NSMAF: variants seen among roughly 807,000 people sequenced by gnomAD.
The protein encoded by NSMAF is protein FAN.
NSMAF carries 90 observed loss-of-function variants against 134.9 expected under a neutral mutation model. The ratio of observed to expected loss-of-function variants is 0.67; its 90% confidence interval spans 0.56 to 0.79. The LOEUF (loss-of-function observed/expected upper bound fraction) is 0.79. Among genes scored for constraint, NSMAF ranks in the 30% least tolerant of loss-of-function variants. The pLI is 0.00. For synonymous variants in NSMAF, 358 were observed against 389.6 expected (o/e 0.92, Z 0.96); for missense variants, 1,010 against 1,119.0 (o/e 0.90, Z 1.39).
chr8:58,659,474 C>A, intron 1 of NSMAF, 99 bp downstream of exon 1: 1 of 1,490,584 alleles, frequency 6.7e-7, no homozygotes, highest in Non-Finnish European at 8.9e-7. Context: ...CCGTGCCCGG[C>A]CCCCACGCCG....
chr8:58,598,990 C>T (rs755538341), intron 19 of NSMAF, among the ~76,000 whole-genome samples: 6 of 152,152 alleles, frequency 3.9e-5, no homozygotes, highest in Non-Finnish European at 8.8e-5. Flanking sequence ...TGTGTCACTG[C>T]ACTCCAGCCT....
At position 58,623,223 on chromosome 8, in the gene NSMAF, T is replaced by G; in HGVS notation, c.554A>C (p.Asn185Thr). The G allele has an allele frequency of 6.2e-7, 1 of 1,605,892 alleles. No individual in the cohort carries two copies. The change falls in exon 9 of 31, where the codon AAC (asparagine) becomes ACC (threonine). Residue 185 changes from asparagine (N) to threonine (T), a missense_variant. Physicochemically the swap from Asn to Thr is moderately conservative, Grantham distance 65. Transcript: ENST00000038176. ...SRLARTSFDK[N>T]RFQNISEKLH... ...GGAAAGATCATTAGAAACTTACCTG[T>G]TTTTGTCAAATGATGTTCTAGCTAA... is the stretch of plus-strand genomic sequence containing the variant.
intron 9 of NSMAF, among the ~76,000 whole-genome samples, chr8:58,610,634 G>C (rs1343956775): frequency 1.3e-5 from 2 of 152,196 alleles, no homozygotes; most frequent in Non-Finnish European, 2.9e-5. Context: ...GTGAGTGGCA[G>C]GAGGAGGAGC....
intron 1 of NSMAF, among the ~76,000 whole-genome samples, chr8:58,648,430 C>T (rs1456712144): frequency 1.3e-5 from 2 of 152,174 alleles, no homozygotes; most frequent in Non-Finnish European, 2.9e-5. Flanking sequence ...GAATTCAAGC[C>T]GGCTATGGAG....
At chr8:58,594,099 A>G in intron 23 of NSMAF, 133 bp downstream of exon 23, 1 of 697,530 alleles carries the variant, frequency 1.4e-6, no homozygotes, top group Non-Finnish European at 2.5e-6. Flanking sequence ...AATGTACCAC[A>G]AAGGAACTGC....
At position 58,600,040 on chromosome 8, in the gene NSMAF, T is replaced by A. The variant is rs970620169; in HGVS notation, c.1281-19A>T. 7 of 1,589,272 alleles carry A rather than the reference T, an allele frequency of 4.4e-6. No individual in the cohort carries two copies. Among genetic ancestry groups the A allele is most frequent in the Non-Finnish European group, 6.0e-6 (7 of 1,159,680 alleles). On this transcript the variant is annotated intron_variant, in intron 16 of 30. Transcript: ENST00000038176. ...TGCAATACTACATATGAAAAAAAAATTCACCTATTTTCAGCTAAGGAAATA... is the reference window on the plus strand; with the variant it reads ...TGCAATACTACATATGAAAAAAAAAATCACCTATTTTCAGCTAAGGAAATA...
In NSMAF at chr8:58,594,239, T is replaced by C. The variant is rs994262098; in HGVS notation, c.1944A>G (p.Thr648=). Residue 648 remains threonine (T), a synonymous_variant, in exon 23 of 31, where the codon ACA becomes ACG. Coordinates refer to ENST00000038176, the MANE Select transcript of NSMAF (RefSeq NM_003580.4). ...VSRNGSSVFT[T]SQDSTLKMFS... ...TCGGGGAGGAACACTGACCTTGGGA[T>C]GTTGTGAATACTGAAGATCCATTGC... 2.5e-6 allele frequency: 4 copies of C among 1,613,968 alleles called. No homozygotes were observed. The highest frequency in any genetic ancestry group is 1.7e-5 in the Admixed American group (1 of 59,998).
intron 26 of NSMAF, chr8:58,588,798 C>T: frequency 1.1e-6 from 1 of 945,424 alleles, no homozygotes; most frequent in Non-Finnish European, 1.7e-6. Flanking sequence ...GCTAACTTGA[C>T]ATTTTCTAAT....
chr8:58,586,869 A>T (rs1805898116), intron 27 of NSMAF, among the ~76,000 whole-genome samples: 1 of 152,250 alleles, frequency 6.6e-6, no homozygotes, highest in African/African-American at 2.4e-5. Context: ...GTTTTAAAAT[A>T]GCTTAAAACT....
At chr8:58,584,450 G>A (rs895982696) in intron 30 of NSMAF, among the ~76,000 whole-genome samples, 3 of 152,154 alleles carry the variant, frequency 2.0e-5, no homozygotes, top group Admixed American at 6.5e-5. Context: ...GGGAATTATG[G>A]ATATAGAACA....
intron 2 of NSMAF, among the ~76,000 whole-genome samples, chr8:58,636,561 T>C (rs1193451306): frequency 1.3e-5 from 2 of 152,162 alleles, no homozygotes; most frequent in Non-Finnish European, 2.9e-5. Context: ...CTATTGAAAA[T>C]TACTATCTAG....
chr8:58,589,671 C>A (rs755758820), intron 25 of NSMAF, 96 bp from the exon 26 acceptor site: 19 of 1,147,424 alleles, frequency 1.7e-5, no homozygotes, highest in Non-Finnish European at 2.3e-5. Flanking sequence ...TCATTCTATA[C>A]TTACTAAGGC....
chr8:58,638,182 G>T (rs1469283287), intron 2 of NSMAF, among the ~76,000 whole-genome samples: 1 of 152,116 alleles, frequency 6.6e-6, no homozygotes, highest in Non-Finnish European at 1.5e-5. Context: ...AAGTAGCTGT[G>T]ACTCCAGGTG....
intron 9 of NSMAF, among the ~76,000 whole-genome samples, chr8:58,615,520 C>A (rs138626790): frequency 6.6e-6 from 1 of 151,976 alleles, no homozygotes; most frequent in African/African-American, 2.4e-5. Context: ...TAAATCAGTA[C>A]CTATAAAATA....
intron 9 of NSMAF, among the ~76,000 whole-genome samples, chr8:58,615,042 T>C (rs1806627121): frequency 6.6e-6 from 1 of 152,104 alleles, no homozygotes; most frequent in Non-Finnish European, 1.5e-5. Flanking sequence ...AGAAAACTGA[T>C]GTGGTTACTT....
At chr8:58,585,615 G>C (rs1805864006) in intron 30 of NSMAF, 37 bp downstream of exon 30, 1 of 1,434,250 alleles carries the variant, frequency 7.0e-7, no homozygotes, top group African/African-American at 1.4e-5. Context: ...TCATTATCTT[G>C]AGAACAAAGA....
At chr8:58,637,277 C>T in intron 2 of NSMAF, 1 of 454,516 alleles carries the variant, frequency 2.2e-6, no homozygotes. Context: ...CACAGATTTC[C>T]TGCCTCTGAC....
chr8:58,641,557 A>C (rs1185051651), intron 2 of NSMAF, among the ~76,000 whole-genome samples: 1 of 152,240 alleles, frequency 6.6e-6, no homozygotes, highest in Non-Finnish European at 1.5e-5. Flanking sequence ...ATACATGTAG[A>C]GATCACTTCA....
chr8:58,647,819 C>T (rs953120591), intron 1 of NSMAF, among the ~76,000 whole-genome samples: 11 of 152,108 alleles, frequency 7.2e-5, no homozygotes, highest in Non-Finnish European at 1.6e-4. Flanking sequence ...AATTACGCAG[C>T]CTCAGGAATT....
Sources: allele counts gnomAD v4.1 joint callset (sites outside exome capture counted in the v4.1 genomes callset), GRCh38; gene constraint gnomAD v4.1.1; transcripts MANE v1.5; gene names NCBI Gene and HGNC (gene_info 2026-07-23, HGNC 2026-07-21).